Variants in ESRRG observed in about 807,000 individuals in gnomAD.
The protein encoded by ESRRG is estrogen related receptor gamma, also known as estrogen-related receptor gamma.
In ESRRG, 13 loss-of-function variants were observed where a neutral mutation model predicts 44.0. That is an observed-to-expected ratio of 0.30 (90% CI 0.19 to 0.47). ESRRG has a LOEUF of 0.47. Among genes scored for constraint, ESRRG ranks in the 20% least tolerant of loss-of-function variants. The pLI is 1.00. For missense variants in ESRRG, 395 were observed against 580.6 expected (o/e 0.68, Z 3.29); for synonymous variants, 215 against 214.6 (o/e 1.00, Z -0.02).
chr1:216,657,056 TTATTGTATAGTGGCAAAGG>T (rs1180975073), intron 2 of ESRRG, among the ~76,000 whole-genome samples: 2 of 152,210 alleles, frequency 1.3e-5, no homozygotes, highest in Non-Finnish European at 2.9e-5. Flanking sequence ...AACTCTGTCT[TTATTGTATAGTGGCAAAGG>T]TTTTTCCATT....
intron 2 of ESRRG, among the ~76,000 whole-genome samples, chr1:216,750,222 C>A (rs941176642): frequency 2.6e-5 from 4 of 152,138 alleles, no homozygotes; most frequent in Admixed American, 6.6e-5. Flanking sequence ...ATAGAGGGCA[C>A]TGATGCTTCT....
chr1:217,061,585 C>T (rs563692917), intron 1 of ESRRG, among the ~76,000 whole-genome samples: 4 of 152,070 alleles, frequency 2.6e-5, no homozygotes, highest in Non-Finnish European at 4.4e-5. Flanking sequence ...CAGTCCTCTT[C>T]CCCCAAAGGA....
chr1:216,976,858 T>C (rs2073028980), intron 1 of ESRRG, among the ~76,000 whole-genome samples: 1 of 152,168 alleles, frequency 6.6e-6, no homozygotes, highest in Non-Finnish European at 1.5e-5. Flanking sequence ...GTAATTGTAT[T>C]CCATATCCAG....
intron 2 of ESRRG, among the ~76,000 whole-genome samples, chr1:216,829,843 C>T (rs2095458383): frequency 1.3e-5 from 2 of 152,058 alleles, no homozygotes; most frequent in South Asian, 4.1e-4. Flanking sequence ...TGTGAGCCAC[C>T]GCGCCCGGCC....
chr1:217,111,236 A>G (rs1262366622), intron 1 of ESRRG, among the ~76,000 whole-genome samples: 1 of 152,126 alleles, frequency 6.6e-6, no homozygotes, highest in African/African-American at 2.4e-5. Flanking sequence ...TGGAGCCAGT[A>G]AGTCCCCAGG....
intron 3 of ESRRG, among the ~76,000 whole-genome samples, chr1:216,596,801 G>A (rs569348778): frequency 2.1e-4 from 32 of 152,144 alleles, no homozygotes; most frequent in Non-Finnish European, 3.5e-4. Flanking sequence ...GTTTGCATCT[G>A]TCTACAATAT....
At chr1:216,932,687 A>T (rs997868690) in intron 2 of ESRRG, among the ~76,000 whole-genome samples, 2 of 144,880 alleles carry the variant, frequency 1.4e-5, no homozygotes, top group African/African-American at 5.1e-5. Flanking sequence ...TCTCCTGAGT[A>T]GCTAGGGATA....
chr1:216,726,968 T>C (rs577727573), upstream of ESRRG, among the ~76,000 whole-genome samples: 9 of 152,340 alleles, frequency 5.9e-5, no homozygotes, highest in East Asian at 1.4e-3. Flanking sequence ...TGCAACATTC[T>C]AACTAGGAAT....
At position 216,569,190 on chromosome 1, in the gene ESRRG, G is replaced by GGGAAGGGAGAGGAAAGGAAA. The variant is rs1553356429; in HGVS notation, c.590-1093_590-1092insTTTCCTTTCCTCTCCCTTCC. 1.2e-3 allele frequency among the ~76,000 whole-genome samples: 63 copies of GGGAAGGGAGAGGAAAGGAAA among 53,876 alleles called. 1 individual carries two copies. Among genetic ancestry groups the GGGAAGGGAGAGGAAAGGAAA allele is most frequent in the African/African-American group, 7.1e-3 (61 of 8,598 alleles). The allele number at this position is 53,876 out of a possible 152,430, so 35.3% of individuals were successfully genotyped here. A position where few individuals can be genotyped will look rare whatever the true frequency, so the allele number is the denominator to read the frequency against. On this transcript the variant is annotated intron_variant, in intron 3 of 6. Coordinates refer to ENST00000408911, the MANE Select transcript of ESRRG (RefSeq NM_001438.4). ...GGGAAGGGAAGGGAAGGGAAGGGAAGGGAAAGGAAAGGAAAGGAAAGGAAA... is the reference window on the plus strand; with the variant it reads ...GGGAAGGGAAGGGAAGGGAAGGGAAGGGAAGGGAGAGGAAAGGAAAGGAAAGGAAAGGAAAGGAAAGGAAA...
chr1:216,723,114 CACAA>C, intron 1 of ESRRG, 126 bp downstream of exon 1: 1 of 732,116 alleles, frequency 1.4e-6, no homozygotes, highest in Non-Finnish European at 2.3e-6. Flanking sequence ...ACAAGACAGA[CACAA>C]ACAAGCAGTC....
At position 216,685,600 on chromosome 1, in the gene ESRRG, G is replaced by A. The variant is rs139202307; in HGVS notation, c.57-8109C>T. Among the ~76,000 whole-genome samples the A allele has an allele frequency of 1.2e-4, 19 of 152,290 alleles. No homozygotes were observed. In the East Asian group the frequency reaches 3.7e-3, roughly 29 times the overall value. On this transcript the variant is annotated intron_variant, in intron 1 of 6. Coordinates refer to ENST00000408911, the MANE Select transcript of ESRRG (RefSeq NM_001438.4). The stretch of plus-strand genomic sequence containing the variant: ...TCAACTCATAGAAAGTCTATGCACT[G>A]ATCTCTACAAATTACATTGAATATA...
chr1:216,644,743 T>C (rs1008466049), intron 3 of ESRRG, among the ~76,000 whole-genome samples: 2 of 152,168 alleles, frequency 1.3e-5, no homozygotes, highest in African/African-American at 2.4e-5. Context: ...GGCTGAAAGA[T>C]ACTTTAAAGA....
chr1:216,937,771 G>A (rs2064398230), intron 2 of ESRRG, among the ~76,000 whole-genome samples: 1 of 152,132 alleles, frequency 6.6e-6, no homozygotes, highest in African/African-American at 2.4e-5. Context: ...AGCATCGCTG[G>A]ATTCCTGCCC....
intron 3 of ESRRG, among the ~76,000 whole-genome samples, chr1:216,591,799 T>A (rs767571217): frequency 6.6e-6 from 1 of 152,132 alleles, no homozygotes; most frequent in Non-Finnish European, 1.5e-5. Context: ...TAGCAATGGA[T>A]TATAACTCAT....
Position 216,797,728 on chromosome 1 carries a change from C to T in ESRRG, c.-13-120237G>A, listed in dbSNP as rs368051051. Among the ~76,000 whole-genome samples the T allele has an allele frequency of 4.6e-5, 7 of 152,180 alleles. No homozygotes were observed. In the East Asian group the frequency reaches 1.2e-3, roughly 25 times the overall value. ...GACCTAGATGTTGTTTTCATCACATCGTATCAAGGGTGTATACTACCAACA... is the reference window on the plus strand; with the variant it reads ...GACCTAGATGTTGTTTTCATCACATTGTATCAAGGGTGTATACTACCAACA... On this transcript the variant is annotated intron_variant, in intron 2 of 7. Transcript: ENST00000359162.
At chr1:216,675,896 T>C (rs2076023484) in intron 2 of ESRRG, among the ~76,000 whole-genome samples, 1 of 152,224 alleles carries the variant, frequency 6.6e-6, no homozygotes, top group Non-Finnish European at 1.5e-5. Context: ...TTTCCCTGGC[T>C]GTACCCAAGA....
At chr1:216,740,723 T>C (rs138367761) in intron 2 of ESRRG, among the ~76,000 whole-genome samples, 2 of 152,050 alleles carry the variant, frequency 1.3e-5, no homozygotes, top group Non-Finnish European at 2.9e-5. Flanking sequence ...CACACCTTTC[T>C]ATATCACCGA....
rs752018686 is a variant in ESRRG, at chr1:216,950,422, C to T, written c.-105-10749G>A. 6.8e-4 allele frequency among the ~76,000 whole-genome samples: 103 copies of T among 152,106 alleles called. 1 individual carries two copies. Among genetic ancestry groups the T allele is most frequent in the Middle Eastern group, 6.8e-3 (2 of 294 alleles). ...GGTAACTTTTAAGAAAGAGTTTTTT[C>T]GTTGTTTATAGCTTTTAGTAAAGGA... On this transcript the variant is annotated intron_variant, in intron 1 of 7. Coordinates refer to the ESRRG transcript ENST00000359162.
intron 2 of ESRRG, among the ~76,000 whole-genome samples, chr1:216,899,228 C>A (rs1398771776): frequency 6.6e-6 from 1 of 152,200 alleles, no homozygotes; most frequent in Non-Finnish European, 1.5e-5. Flanking sequence ...TGTATCACTA[C>A]TTGACCACTG....
Sources: gnomAD v4.1 joint callset for allele counts (sites outside exome capture counted in the v4.1 genomes callset) on GRCh38, gnomAD v4.1.1 for gene constraint, MANE v1.5 for transcripts, NCBI Gene and HGNC (gene_info 2026-07-23, HGNC 2026-07-21) for gene names.